Variants in KIAA1328 observed in about 807,000 individuals in gnomAD.
KIAA1328 encodes the protein protein hinderin.
A neutral mutation model predicts 68.1 loss-of-function variants in KIAA1328; 52 were observed. The ratio of observed to expected loss-of-function variants is 0.76; its 90% CI spans 0.61 to 0.96. The LOEUF (loss-of-function observed/expected upper bound fraction) is 0.96. KIAA1328 is among the 40% of genes least tolerant of loss of function. KIAA1328 has a pLI of 0.00. For synonymous variants in KIAA1328, 232 were observed against 239.4 expected, an observed-to-expected ratio of 0.97 and a Z score of 0.28; for missense variants, 641 against 677.6, an observed-to-expected ratio of 0.95 and a Z score of 0.60.
chr18:37,203,930 C>G (rs2060165310), intron 9 of KIAA1328, among the ~76,000 whole-genome samples: 1 of 152,180 alleles, frequency 6.6e-6, no homozygotes, highest in African/African-American at 2.4e-5. Flanking sequence ...CTGCCTCAGC[C>G]TCCCCAGCAG....
chr18:37,023,773 C>T (rs1268729825), intron 6 of KIAA1328, among the ~76,000 whole-genome samples: 1 of 151,784 alleles, frequency 6.6e-6, no homozygotes, highest in African/African-American at 2.4e-5. Flanking sequence ...GACAGTTGAA[C>T]ATCATCTGTA....
chr18:37,116,433 G>A (rs1056228153), intron 7 of KIAA1328, among the ~76,000 whole-genome samples: 1 of 151,282 alleles, frequency 6.6e-6, no homozygotes, highest in African/African-American at 2.5e-5. Context: ...TTTAATAAAT[G>A]GTGCTGGGAA....
At chr18:36,972,275 A>T (rs1383490704) in intron 6 of KIAA1328, among the ~76,000 whole-genome samples, 1 of 152,216 alleles carries the variant, frequency 6.6e-6, no homozygotes, top group African/African-American at 2.4e-5. Flanking sequence ...CTAAACATTA[A>T]TCCATCATTC....
At chr18:37,058,400 AT>A (rs1243277083) in intron 6 of KIAA1328, among the ~76,000 whole-genome samples, 1 of 152,158 alleles carries the variant, frequency 6.6e-6, no homozygotes, top group African/African-American at 2.4e-5. Context: ...ATATCATATG[AT>A]TCCATTTATA....
At chr18:37,200,671 C>T (rs1023455615) in intron 9 of KIAA1328, among the ~76,000 whole-genome samples, 13 of 151,750 alleles carry the variant, frequency 8.6e-5, no homozygotes, top group South Asian at 4.2e-4. Context: ...ATTAGCCGGG[C>T]GCGGTGGCGG....
chr18:37,222,036 G>C lies in KIAA1328; in HGVS notation c.1543G>C (p.Asp515His), dbSNP rs144164188. 5 of 1,613,412 alleles carry C rather than the reference G, an allele frequency of 3.1e-6. No individual in the cohort carries two copies. In the East Asian group the frequency reaches 1.1e-4, roughly 36 times the overall value. The change falls in exon 10 of 10, where the codon GAT becomes CAT. Residue 515 changes from aspartate (D) to histidine (H), a missense_variant. By Grantham distance (81) the Asp-to-His change is moderately conservative (BLOSUM62 -1). Coordinates refer to ENST00000280020, the MANE Select transcript of KIAA1328 (RefSeq NM_020776.3). ...TTSRYETSLL[D>H]LVQSLSPNSA... The stretch of plus-strand genomic sequence containing the variant: ...TTACAGGTATGAGACATCTTTGTTG[G>C]ATTTGGTTCAGTCTCTGAGCCCAAA...
chr18:37,098,113 G>A (rs931859972), intron 7 of KIAA1328, among the ~76,000 whole-genome samples: 2 of 152,112 alleles, frequency 1.3e-5, no homozygotes, highest in African/African-American at 2.4e-5. Flanking sequence ...ATACTATGTT[G>A]AATAGGAGTG....
chr18:36,840,130 G>T (rs922644390), intron 3 of KIAA1328, among the ~76,000 whole-genome samples: 2 of 152,144 alleles, frequency 1.3e-5, no homozygotes, highest in Non-Finnish European at 2.9e-5. Flanking sequence ...GGCTCTGTCT[G>T]GATTTACCTA....
rs1443463301 is a variant in KIAA1328 at position 37,067,414 on chromosome 18, G to A, written c.1101G>A (p.Lys367=). 1 of 1,609,662 alleles carries A rather than the reference G, an allele frequency of 6.2e-7. No homozygotes were observed. The highest frequency in any genetic ancestry group is 8.5e-7 in the Non-Finnish European group (1 of 1,177,746). Residue 367 remains lysine, a synonymous_variant, in exon 7 of 10, where the codon AAG becomes AAA. Coordinates refer to ENST00000280020, the MANE Select transcript of KIAA1328 (RefSeq NM_020776.3). ...AAAAGCAGATCTCAGAAGATAGAAAGCAGCAACTGATGCTTCAGAAAATGG... is the reference window on the plus strand; with the variant it reads ...AAAAGCAGATCTCAGAAGATAGAAAACAGCAACTGATGCTTCAGAAAATGG... The part of the protein sequence containing the change: ...TLKKQISEDR[K]QQLMLQKMEL...
intron 6 of KIAA1328, among the ~76,000 whole-genome samples, chr18:37,009,120 G>T (rs2053886989): frequency 6.6e-6 from 1 of 152,182 alleles, no homozygotes; most frequent in Non-Finnish European, 1.5e-5. Flanking sequence ...CAAGTATATA[G>T]TCAAGAATGT....
chr18:36,998,386 C>T (rs775882515), intron 6 of KIAA1328, among the ~76,000 whole-genome samples: 7 of 152,222 alleles, frequency 4.6e-5, no homozygotes, highest in Non-Finnish European at 1.0e-4. Flanking sequence ...TGTCTTGCCA[C>T]TGCTGCTGCA....
intron 6 of KIAA1328, among the ~76,000 whole-genome samples, chr18:37,002,316 C>G (rs2053620727): frequency 6.8e-6 from 1 of 146,848 alleles, no homozygotes; most frequent in South Asian, 2.1e-4. Flanking sequence ...TCAAGTGATC[C>G]TCCCACCTCA....
intron 7 of KIAA1328, among the ~76,000 whole-genome samples, chr18:37,153,922 A>G (rs1181064693): frequency 1.3e-5 from 2 of 148,196 alleles, no homozygotes; most frequent in South Asian, 2.1e-4. Flanking sequence ...TTTTTCTCTT[A>G]TACTCTATTC....
intron 1 of KIAA1328, among the ~76,000 whole-genome samples, chr18:36,833,851 C>G (rs1454244616): frequency 6.6e-6 from 1 of 152,162 alleles, no homozygotes; most frequent in Non-Finnish European, 1.5e-5. Flanking sequence ...TTTGTGTTTG[C>G]ATGATTGACT....
intron 7 of KIAA1328, among the ~76,000 whole-genome samples, chr18:37,079,602 G>T (rs1254025397): frequency 1.3e-5 from 2 of 151,880 alleles, no homozygotes; most frequent in Non-Finnish European, 2.9e-5. Context: ...ATATGTAAAA[G>T]TTCAGGCCAG....
chr18:36,892,976 C>T (rs545814449), intron 5 of KIAA1328, among the ~76,000 whole-genome samples: 6 of 151,992 alleles, frequency 3.9e-5, no homozygotes, highest in African/African-American at 1.2e-4. Context: ...CCTAGGTGAC[C>T]GTACCCCAAA....
intron 7 of KIAA1328, among the ~76,000 whole-genome samples, chr18:37,136,190 C>T (rs761653136): frequency 2.0e-5 from 3 of 152,122 alleles, no homozygotes; most frequent in African/African-American, 4.8e-5. Context: ...TAGCACTGGC[C>T]GTGTGTGTTG....
intron 1 of KIAA1328, among the ~76,000 whole-genome samples, chr18:36,833,835 A>G (rs1278097388): frequency 6.6e-6 from 1 of 152,220 alleles, no homozygotes; most frequent in East Asian, 1.9e-4. Context: ...AAGAATAAAT[A>G]ATGTCTTTGT....
At chr18:36,893,457 G>A (rs1368342223) in intron 5 of KIAA1328, among the ~76,000 whole-genome samples, 1 of 130,530 alleles carries the variant, frequency 7.7e-6, no homozygotes, top group African/African-American at 2.8e-5. Flanking sequence ...GTGTGTGTGT[G>A]TGTGTTTTTG....
Sources: allele counts gnomAD v4.1 joint callset (sites outside exome capture counted in the v4.1 genomes callset), GRCh38; gene constraint gnomAD v4.1.1; transcripts MANE v1.5; gene names NCBI Gene and HGNC (gene_info 2026-07-23, HGNC 2026-07-21).